Variants in AHCYL2 observed in about 807,000 individuals in gnomAD.
AHCYL2 encodes S-adenosylhomocysteine hydrolase-like protein 2.
In AHCYL2, 28 loss-of-function variants were observed where a neutral mutation model predicts 81.4. The observed-to-expected ratio is 0.34, with a 90% CI of 0.25 to 0.47. The LOEUF (loss-of-function observed/expected upper bound fraction) is 0.47, where lower values mean the gene tolerates loss of function less well. AHCYL2 is among the 20% of genes least tolerant of loss of function. The pLI, the probability that AHCYL2 is intolerant of heterozygous loss-of-function variation, is 1.00. For missense variants in AHCYL2, 551 were observed against 785.1 expected (o/e 0.70, Z 3.56); for synonymous variants, 272 against 290.2 (o/e 0.94, Z 0.64).
chr7:129,360,730 T>G (rs542229348), intron 1 of AHCYL2, among the ~76,000 whole-genome samples: 1 of 152,294 alleles, frequency 6.6e-6, no homozygotes, highest in African/African-American at 2.4e-5. Flanking sequence ...TGTGTGTGCA[T>G]GCATATGCCT....
At chr7:129,339,480 G>A (rs561149490) in intron 1 of AHCYL2, among the ~76,000 whole-genome samples, 32 of 152,286 alleles carry the variant, frequency 2.1e-4, no homozygotes, top group Middle Eastern at 3.4e-3. Flanking sequence ...CAGTAGTTAT[G>A]TATCCATCTA....
intron 1 of AHCYL2, among the ~76,000 whole-genome samples, chr7:129,274,307 G>A (rs2150732064): frequency 6.6e-6 from 1 of 152,334 alleles, no homozygotes; most frequent in Non-Finnish European, 1.5e-5. Flanking sequence ...TGCAGTAGCT[G>A]TACCTGAGGA....
intron 1 of AHCYL2, among the ~76,000 whole-genome samples, chr7:129,267,994 TAGAG>T (rs572965900): frequency 1.7e-3 from 261 of 151,692 alleles, no homozygotes; most frequent in Admixed American, 5.2e-3. Context: ...TGAGGGGAAA[TAGAG>T]AGAGAGGAAA....
chr7:129,267,310 G>A (rs912814700), intron 1 of AHCYL2, among the ~76,000 whole-genome samples: 2 of 149,470 alleles, frequency 1.3e-5, no homozygotes, highest in Non-Finnish European at 3.0e-5. Context: ...GCCTTATTAG[G>A]TATTTTTTTT....
At chr7:129,234,643 G>A (rs1434598402) in intron 1 of AHCYL2, among the ~76,000 whole-genome samples, 1 of 152,026 alleles carries the variant, frequency 6.6e-6, no homozygotes, top group Admixed American at 6.6e-5. Context: ...ATAAGCATGA[G>A]CCGCTGCACC....
chr7:129,374,468 C>G (rs1794572536), intron 1 of AHCYL2, among the ~76,000 whole-genome samples: 1 of 151,164 alleles, frequency 6.6e-6, no homozygotes, highest in Non-Finnish European at 1.5e-5. Context: ...AAGCAGTATG[C>G]AATGTGACCT....
chr7:129,376,249 G>A (rs1584849076), intron 1 of AHCYL2, among the ~76,000 whole-genome samples: 1 of 152,178 alleles, frequency 6.6e-6, no homozygotes, highest in African/African-American at 2.4e-5. Flanking sequence ...AAAATGGACT[G>A]TATATTGGTG....
At chr7:129,290,293 G>A (rs1241072626) in intron 1 of AHCYL2, among the ~76,000 whole-genome samples, 1 of 151,940 alleles carries the variant, frequency 6.6e-6, no homozygotes, top group Non-Finnish European at 1.5e-5. Context: ...CACGAGGTCA[G>A]GAGATGAGAC....
intron 1 of AHCYL2, chr7:129,375,701 G>A: frequency 6.9e-7 from 1 of 1,439,548 alleles, no homozygotes; most frequent in Non-Finnish European, 9.1e-7. Context: ...ACTGCTGAAG[G>A]GGTTGTTGGA....
intron 1 of AHCYL2, among the ~76,000 whole-genome samples, chr7:129,260,185 AAGTTTCCTTCCTCCTACTT>A (rs1795575040): frequency 6.6e-6 from 1 of 151,578 alleles, no homozygotes; most frequent in African/African-American, 2.4e-5. Flanking sequence ...CTTTGATTTT[AAGTTTCCTTCCTCCTACTT>A]CATCCTTTTG....
At chr7:129,256,702 C>T (rs1795441625) in intron 1 of AHCYL2, among the ~76,000 whole-genome samples, 1 of 151,800 alleles carries the variant, frequency 6.6e-6, no homozygotes, top group Non-Finnish European at 1.5e-5. Flanking sequence ...ACAATCAATA[C>T]TGTAATGAAT....
chr7:129,321,766 G>GTTTTTTTTTTTTTTTTTTTTTTTTTTT, intron 1 of AHCYL2, among the ~76,000 whole-genome samples: 80 of 107,468 alleles, frequency 7.4e-4, no homozygotes, highest in Non-Finnish European at 1.1e-3. Flanking sequence ...TTTTTTTTTG[G>GTTTTTTTTTTTTTTTTTTTTTTTTTTT]TCTTGGTTTT....
Position 129,419,140 on chromosome 7 carries a change from G to A in AHCYL2, c.1462-3700G>A, listed in dbSNP as rs1164059876. Among the ~76,000 whole-genome samples the A allele has an allele frequency of 1.3e-5, 2 of 152,194 alleles. No homozygotes were observed. Among genetic ancestry groups the A allele is most frequent in the African/African-American group, 4.8e-5 (2 of 41,442 alleles). On this transcript the variant is annotated intron_variant, in intron 12 of 16. Transcript: ENST00000325006. The surrounding 1 kb of genome is among the most constrained non-coding windows in gnomAD (Gnocchi z 4.7). ...GCTCATCAAAAGAGTTGGTCATTTA[G>A]AAAGCTGCATTTTTTTTCTGAGAAA...
intron 5 of AHCYL2, among the ~76,000 whole-genome samples, chr7:129,399,211 G>C (rs1327043885): frequency 6.7e-6 from 1 of 148,898 alleles, no homozygotes; most frequent in Non-Finnish European, 1.5e-5. Context: ...CACTTTGGGA[G>C]CCTGAGGTGG....
At chr7:129,295,155 CT>C (rs1330197554) in intron 1 of AHCYL2, among the ~76,000 whole-genome samples, 2 of 152,186 alleles carry the variant, frequency 1.3e-5, no homozygotes, top group African/African-American at 4.8e-5. Context: ...TCCTTGACCT[CT>C]TTCTCTGAAA....
At position 129,284,373 on chromosome 7, in the gene AHCYL2, G is replaced by A. The variant is rs527587842; in HGVS notation, c.363+58934G>A. 1.5e-4 allele frequency among the ~76,000 whole-genome samples: 23 copies of A among 152,142 alleles called. No individual in the cohort carries two copies. The South Asian group carries it at 3.3e-3, about 22-fold the overall frequency. On this transcript the variant is annotated intron_variant, in intron 1 of 16. Coordinates refer to ENST00000325006, the MANE Select transcript of AHCYL2 (RefSeq NM_015328.4). ...AGCACTTTGGGAGGCTGAGGTGGGC[G>A]GATCACCTAAGGTCAGGAGTTCAAG... is the stretch of plus-strand genomic sequence containing the variant.
At chr7:129,358,680 T>C (rs982716377) in intron 1 of AHCYL2, among the ~76,000 whole-genome samples, 1 of 152,222 alleles carries the variant, frequency 6.6e-6, no homozygotes, top group Admixed American at 6.5e-5. Context: ...TGGTGATGGT[T>C]GCACAATGTG....
chr7:129,305,031 T>C (rs1797386490), intron 1 of AHCYL2, among the ~76,000 whole-genome samples: 1 of 152,210 alleles, frequency 6.6e-6, no homozygotes, highest in Non-Finnish European at 1.5e-5. Flanking sequence ...TTTCTCCCTT[T>C]TTATTTTTTG....
intron 1 of AHCYL2, among the ~76,000 whole-genome samples, chr7:129,313,738 A>G (rs1235837530): frequency 6.6e-6 from 1 of 152,206 alleles, no homozygotes; most frequent in Non-Finnish European, 1.5e-5. Flanking sequence ...ATATTGATAA[A>G]AGGATTAGCA....
Sources: allele counts gnomAD v4.1 joint callset (sites outside exome capture counted in the v4.1 genomes callset), GRCh38; gene constraint gnomAD v4.1.1; non-coding constraint Gnocchi (gnomAD v3.1); transcripts MANE v1.5; gene names NCBI Gene and HGNC (gene_info 2026-07-23, HGNC 2026-07-21).